BTBD9: variants seen among roughly 807,000 people sequenced by gnomAD.
The protein encoded by BTBD9 is BTB/POZ domain-containing protein 9.
In BTBD9, 49 loss-of-function variants were observed where a neutral mutation model predicts 64.3. The observed-to-expected ratio is 0.76, with a 90% confidence interval of 0.61 to 0.97. BTBD9 has a LOEUF of 0.97. BTBD9 is among the 50% of genes least tolerant of loss of function. The pLI is 0.00. For missense variants in BTBD9, 598 were observed against 762.1 expected (o/e 0.78, Z 2.53); for synonymous variants, 260 against 274.7 (o/e 0.95, Z 0.53).
chr6:38,443,691 T>C (rs528974888), intron 6 of BTBD9, among the ~76,000 whole-genome samples: 1 of 152,244 alleles, frequency 6.6e-6, no homozygotes, highest in East Asian at 1.9e-4. Context: ...CATGCACACA[T>C]CCAATTAATC....
Position 38,227,277 on chromosome 6 carries a change from C to T in BTBD9, c.1562+29132G>A, listed in dbSNP as rs142879945. Among the ~76,000 whole-genome samples, 13 of 152,318 alleles carry T rather than the reference C, an allele frequency of 8.5e-5. No homozygotes were observed. In the East Asian group the frequency reaches 2.3e-3, roughly 27 times the overall value. Reference sequence around the variant, plus strand: ...CTTTTAGGGTTTGTACTTTGAGGTCCTGGCTGTCGGCATTAGTGCTGCCAC... The same window carrying T: ...CTTTTAGGGTTTGTACTTTGAGGTCTTGGCTGTCGGCATTAGTGCTGCCAC... On this transcript the variant is annotated intron_variant, in intron 9 of 10. Coordinates refer to ENST00000481247, the MANE Select transcript of BTBD9 (RefSeq NM_001099272.2).
intron 1 of BTBD9, among the ~76,000 whole-genome samples, chr6:38,606,247 C>T (rs1021840371): frequency 3.9e-5 from 6 of 152,184 alleles, no homozygotes; most frequent in African/African-American, 1.4e-4. Flanking sequence ...TGTGGGACTT[C>T]ACCTTGTGAT....
chr6:38,515,360 G>C (rs532156823), intron 6 of BTBD9, among the ~76,000 whole-genome samples: 3 of 152,244 alleles, frequency 2.0e-5, no homozygotes. Context: ...CAGAGCCTGG[G>C]GCAGGGCAAT....
chr6:38,351,385 T>G (rs1582275216), intron 6 of BTBD9, among the ~76,000 whole-genome samples: 1 of 152,336 alleles, frequency 6.6e-6, no homozygotes, highest in East Asian at 1.9e-4. Context: ...ACAGAAAGTC[T>G]TGTTTTTGAG....
intron 6 of BTBD9, among the ~76,000 whole-genome samples, chr6:38,428,924 T>C (rs1047339521): frequency 6.6e-6 from 1 of 151,474 alleles, no homozygotes; most frequent in Non-Finnish European, 1.5e-5. Context: ...TTAGCCAGTA[T>C]GGTCTTGATC....
At chr6:38,602,313 A>G (rs1195630326) in intron 1 of BTBD9, among the ~76,000 whole-genome samples, 8 of 152,054 alleles carry the variant, frequency 5.3e-5, no homozygotes, top group Non-Finnish European at 8.8e-5. Context: ...ACTGGAAAAA[A>G]CCCTGAAGGC....
chr6:38,545,855 TACACACACACAC>T (rs34465570), intron 6 of BTBD9, among the ~76,000 whole-genome samples: 18,556 of 130,574 alleles, frequency 0.14, 1,481 homozygotes, highest in Non-Finnish European at 0.2. Context: ...CACACACACA[TACACACACACAC>T]ACACACACAC....
chr6:38,236,139 A>G (rs1763770539), intron 9 of BTBD9, among the ~76,000 whole-genome samples: 1 of 152,206 alleles, frequency 6.6e-6, no homozygotes, highest in Non-Finnish European at 1.5e-5. Flanking sequence ...AAGAAATAAT[A>G]AAAACAGCAA....
At chr6:38,485,637 T>G (rs957895445) in intron 6 of BTBD9, among the ~76,000 whole-genome samples, 1 of 152,158 alleles carries the variant, frequency 6.6e-6, no homozygotes, top group Non-Finnish European at 1.5e-5. Flanking sequence ...GCTTAAGATA[T>G]TCAGGAAACC....
intron 6 of BTBD9, among the ~76,000 whole-genome samples, chr6:38,394,724 G>A (rs1257426105): frequency 6.6e-6 from 1 of 151,958 alleles, no homozygotes; most frequent in South Asian, 2.1e-4. Context: ...TTCTCTGGAG[G>A]ATGGCAGCCA....
chr6:38,551,861 T>C (rs773662485), intron 6 of BTBD9, among the ~76,000 whole-genome samples: 24 of 152,268 alleles, frequency 1.6e-4, no homozygotes, highest in Non-Finnish European at 2.6e-4. Context: ...GCTATAGAGA[T>C]GTTGAAGGCA....
chr6:38,238,460 G>A (rs1029594430), intron 9 of BTBD9, among the ~76,000 whole-genome samples: 18 of 149,094 alleles, frequency 1.2e-4, no homozygotes, highest in South Asian at 8.5e-4. Flanking sequence ...AAGCTGTTGC[G>A]GAGACCAAGG....
At chr6:38,390,291 G>A (rs567507960) in intron 6 of BTBD9, among the ~76,000 whole-genome samples, 1 of 152,172 alleles carries the variant, frequency 6.6e-6, no homozygotes, top group South Asian at 2.1e-4. Context: ...CACCATGTTG[G>A]CCAGGCTGGT....
intron 6 of BTBD9, among the ~76,000 whole-genome samples, chr6:38,455,242 T>C (rs562133546): frequency 6.6e-6 from 1 of 152,316 alleles, no homozygotes; most frequent in East Asian, 1.9e-4. Context: ...AACAGATCCA[T>C]TACCCCAAAA....
At chr6:38,473,194 A>G (rs3923809) in intron 6 of BTBD9, among the ~76,000 whole-genome samples, 49,695 of 152,036 alleles carry the variant, frequency 0.33, 8,427 homozygotes, top group East Asian at 0.62. Flanking sequence ...TCTCTCTTCT[A>G]TTTATCCATC....
At chr6:38,365,481 C>T (rs1765149246) in intron 6 of BTBD9, among the ~76,000 whole-genome samples, 1 of 152,174 alleles carries the variant, frequency 6.6e-6, no homozygotes, top group Admixed American at 6.5e-5. Context: ...GTGGCTCACA[C>T]CTGTAATCTC....
At chr6:38,597,023 C>T (rs559693068) in intron 2 of BTBD9, among the ~76,000 whole-genome samples, 13 of 152,272 alleles carry the variant, frequency 8.5e-5, no homozygotes, top group African/African-American at 2.9e-4. Context: ...TCTAAGCTCC[C>T]GGTTTCATCT....
intron 7 of BTBD9, among the ~76,000 whole-genome samples, chr6:38,292,049 C>G (rs1380208007): frequency 6.6e-6 from 1 of 151,988 alleles, no homozygotes; most frequent in Non-Finnish European, 1.5e-5. Flanking sequence ...GCAGCCTCCG[C>G]CTGCCCAGCT....
intron 6 of BTBD9, among the ~76,000 whole-genome samples, chr6:38,399,633 T>C (rs903303180): frequency 2.5e-5 from 3 of 119,986 alleles, no homozygotes; most frequent in African/African-American, 1.2e-4. Context: ...TAAAACAACC[T>C]AGATTTTTTT....
Sources: allele counts gnomAD v4.1 joint callset (sites outside exome capture counted in the v4.1 genomes callset), GRCh38; gene constraint gnomAD v4.1.1; transcripts MANE v1.5; gene names NCBI Gene and HGNC (gene_info 2026-07-23, HGNC 2026-07-21).